MAGI2: variants seen among roughly 807,000 people sequenced by gnomAD.
MAGI2 encodes the protein membrane associated guanylate kinase, WW and PDZ domain containing 2, also known as membrane-associated guanylate kinase, WW and PDZ domain-containing protein 2.
MAGI2 carries 35 observed loss-of-function variants against 133.3 expected under a neutral mutation model. The observed-to-expected ratio is 0.26, with a 90% confidence interval of 0.20 to 0.35. The LOEUF (loss-of-function observed/expected upper bound fraction) is 0.35. Ranked by LOEUF, MAGI2 falls within the 10% of genes least tolerant of loss-of-function variation. The probability of loss-of-function intolerance (pLI) is 1.00; values close to 1 mark genes in which losing one functional copy is unlikely to be tolerated. For synonymous variants in MAGI2, 729 were observed against 710.6 expected (o/e 1.03, Z -0.41); for missense variants, 1,636 against 1,863.4 (o/e 0.88, Z 2.25).
chr7:78,360,452 AT>A (rs1465769746), intron 7 of MAGI2, among the ~76,000 whole-genome samples: 1 of 152,232 alleles, frequency 6.6e-6, no homozygotes, highest in Non-Finnish European at 1.5e-5. Flanking sequence ...CTAAGATATG[AT>A]TCCAAAGTAT....
At chr7:78,314,809 T>G (rs1787233917) in intron 9 of MAGI2, among the ~76,000 whole-genome samples, 1 of 152,218 alleles carries the variant, frequency 6.6e-6, no homozygotes, top group Non-Finnish European at 1.5e-5. Context: ...CATGAGAAGT[T>G]ATAAAATTAG....
rs541594792 is a variant in MAGI2 at position 78,865,497 on chromosome 7, T to A, written c.418+141593A>T. On this transcript the variant is annotated intron_variant, in intron 2 of 21. Coordinates refer to ENST00000354212, the MANE Select transcript of MAGI2 (RefSeq NM_012301.4). ...GGAATCAACAAGAAGGTAGATAGCA[T>A]GTTGTCTGTGGTTTCCAATGTTTAT... Among the ~76,000 whole-genome samples, 31 of 152,286 alleles carry A rather than the reference T, an allele frequency of 2.0e-4. No homozygotes were observed. In the South Asian group the frequency reaches 5.8e-3, roughly 29 times the overall value.
At chr7:78,869,047 C>G (rs185592498) in intron 2 of MAGI2, among the ~76,000 whole-genome samples, 14 of 152,284 alleles carry the variant, frequency 9.2e-5, no homozygotes, top group Admixed American at 2.0e-4. Context: ...GCCACCATGC[C>G]CAGCCCCAAT....
chr7:78,517,277 C>G (rs1445939245), intron 4 of MAGI2, among the ~76,000 whole-genome samples: 1 of 152,090 alleles, frequency 6.6e-6, no homozygotes, highest in Non-Finnish European at 1.5e-5. Flanking sequence ...TCTAACATCA[C>G]TGCTATGAGC....
In MAGI2 at chr7:78,846,997, C is replaced by A. The variant is rs372561470; in HGVS notation, c.418+160093G>T. Among the ~76,000 whole-genome samples the A allele has an allele frequency of 2.6e-5, 4 of 151,926 alleles. No homozygotes were observed. In the East Asian group the frequency reaches 5.8e-4, roughly 22 times the overall value. On this transcript the variant is annotated intron_variant, in intron 2 of 21. Coordinates refer to ENST00000354212, the MANE Select transcript of MAGI2 (RefSeq NM_012301.4). ...AACTTTCTCCCTTCTTAATGATTCT[C>A]ACTTTAGAATACTTTGTTAAAATAG... is the stretch of plus-strand genomic sequence containing the variant.
chr7:78,706,380 C>T (rs755733959), intron 2 of MAGI2, among the ~76,000 whole-genome samples: 35 of 152,052 alleles, frequency 2.3e-4, no homozygotes, highest in Admixed American at 3.9e-4. Flanking sequence ...GCCATGATTC[C>T]GAGACCTTCC....
chr7:78,889,955 C>A (rs1254596533), intron 2 of MAGI2, among the ~76,000 whole-genome samples: 2 of 152,128 alleles, frequency 1.3e-5, no homozygotes, highest in Admixed American at 1.3e-4. Flanking sequence ...AGAGTCAAGA[C>A]GCATCAGTGT....
intron 1 of MAGI2, among the ~76,000 whole-genome samples, chr7:79,438,358 T>C (rs1284146232): frequency 6.6e-6 from 1 of 152,136 alleles, no homozygotes; most frequent in Admixed American, 6.6e-5. Flanking sequence ...CAACTCACCA[T>C]CTTTAATTCC....
chr7:78,605,809 G>A (rs556592832), intron 3 of MAGI2, among the ~76,000 whole-genome samples: 25 of 152,276 alleles, frequency 1.6e-4, no homozygotes, highest in African/African-American at 3.1e-4. Flanking sequence ...TCAGTGGGGC[G>A]TGGGGCCATA....
At chr7:79,315,325 A>ATTTTTTT (rs775143230) in intron 1 of MAGI2, among the ~76,000 whole-genome samples, 9 of 92,492 alleles carry the variant, frequency 9.7e-5, no homozygotes, top group East Asian at 2.8e-4. Flanking sequence ...TGCCCAGTTA[A>ATTTTTTT]TTTTTTTTTT....
At chr7:79,269,922 A>C (rs1834755261) in intron 1 of MAGI2, among the ~76,000 whole-genome samples, 1 of 152,154 alleles carries the variant, frequency 6.6e-6, no homozygotes, top group African/African-American at 2.4e-5. Flanking sequence ...AGTTTCCATA[A>C]TCCCTGACTG....
At position 78,453,839 on chromosome 7, in the gene MAGI2, TG is replaced by T. The variant is rs536183060; in HGVS notation, c.1045+35921del. On this transcript the variant is annotated intron_variant, in intron 6 of 21. Coordinates refer to ENST00000354212, the MANE Select transcript of MAGI2 (RefSeq NM_012301.4). Reference sequence around the variant, plus strand: ...AATGTAATCCCTTTAACATGACATTTGTTGAAATATTTTTATAGATTTCCTT... The same window carrying T: ...AATGTAATCCCTTTAACATGACATTTTTGAAATATTTTTATAGATTTCCTT... 2.6e-3 allele frequency among the ~76,000 whole-genome samples: 395 copies of T among 152,320 alleles called. 5 individuals are homozygous for T. The highest frequency in any genetic ancestry group is 9.1e-3 in the African/African-American group (380 of 41,580).
At chr7:78,277,784 A>G (rs1795192567) in intron 9 of MAGI2, among the ~76,000 whole-genome samples, 1 of 152,158 alleles carries the variant, frequency 6.6e-6, no homozygotes, top group Non-Finnish European at 1.5e-5. Context: ...GAGTAGAGAC[A>G]ATAGTATAGG....
chr7:78,987,656 T>G (rs769312632), intron 2 of MAGI2, among the ~76,000 whole-genome samples: 7 of 152,058 alleles, frequency 4.6e-5, no homozygotes, highest in Non-Finnish European at 8.8e-5. Context: ...CCATTAATCT[T>G]GTTTGAAAAT....
chr7:78,613,672 G>A (rs1563244193), intron 3 of MAGI2, among the ~76,000 whole-genome samples: 1 of 152,132 alleles, frequency 6.6e-6, no homozygotes, highest in Non-Finnish European at 1.5e-5. Flanking sequence ...GGCAACAGGA[G>A]CTAAATATTA....
intron 2 of MAGI2, among the ~76,000 whole-genome samples, chr7:78,945,132 G>A (rs1314275255): frequency 2.0e-5 from 3 of 151,960 alleles, no homozygotes; most frequent in African/African-American, 7.3e-5. Flanking sequence ...TGTGATCTTG[G>A]CTTATTGCAA....
chr7:78,979,635 CTCTGT>C (rs1021349816), intron 2 of MAGI2, among the ~76,000 whole-genome samples: 1 of 151,830 alleles, frequency 6.6e-6, no homozygotes, highest in Non-Finnish European at 1.5e-5. Flanking sequence ...TGGTTGTTCA[CTCTGT>C]TCTCAAGTTC....
intron 1 of MAGI2, among the ~76,000 whole-genome samples, chr7:79,370,982 T>G (rs914876815): frequency 6.6e-6 from 1 of 152,058 alleles, no homozygotes; most frequent in Non-Finnish European, 1.5e-5. Context: ...AATATAGATA[T>G]CCTTGTCTAG....
intron 6 of MAGI2, among the ~76,000 whole-genome samples, chr7:78,450,968 T>C (rs146866147): frequency 2.2e-4 from 34 of 152,212 alleles, no homozygotes; most frequent in Non-Finnish European, 4.6e-4. Flanking sequence ...TTTCACATAA[T>C]GATAGGGCAT....
Sources: allele counts gnomAD v4.1 joint callset (sites outside exome capture counted in the v4.1 genomes callset), GRCh38; gene constraint gnomAD v4.1.1; transcripts MANE v1.5; gene names NCBI Gene and HGNC (gene_info 2026-07-23, HGNC 2026-07-21).